Variants in C1orf141 observed in about 807,000 individuals in gnomAD.
C1orf141 encodes chromosome 1 open reading frame 141.
C1orf141 carries 19 observed loss-of-function variants against 23.2 expected under a neutral mutation model. The ratio of observed to expected loss-of-function variants is 0.82; its 90% confidence interval spans 0.57 to 1.20. The LOEUF is 1.20. C1orf141 is among the 50% of genes most tolerant of loss of function. The probability of loss-of-function intolerance (pLI) is 0.00; values close to 1 mark genes in which losing one functional copy is unlikely to be tolerated. For missense variants in C1orf141, 469 were observed against 455.1 expected, an observed-to-expected ratio of 1.03 and a Z score of -0.28; for synonymous variants, 153 against 154.6, an observed-to-expected ratio of 0.99 and a Z score of 0.08.
At chr1:67,101,487 T>TGTGTGTGTGTGTGTGA (rs760865676) in intron 5 of C1orf141, among the ~76,000 whole-genome samples, 5 of 150,434 alleles carry the variant, frequency 3.3e-5, no homozygotes, top group African/African-American at 9.8e-5. Context: ...TGTGTGTGTG[T>TGTGTGTGTGTGTGTGA]GATGGAGTAG....
In C1orf141 at chr1:67,117,091, T is replaced by C. The variant is rs536592316; in HGVS notation, c.234-1627A>G. 9.2e-5 allele frequency among the ~76,000 whole-genome samples: 14 copies of C among 152,246 alleles called. No homozygotes were observed. The South Asian group carries it at 1.9e-3, about 20-fold the overall frequency. On this transcript the variant is annotated intron_variant, in intron 4 of 7. Coordinates refer to ENST00000684719, the MANE Select transcript of C1orf141 (RefSeq NM_001276351.2). ...ATTCACTGTGGTATTTTAGCACCTA[T>C]AGCATGACTGGTACATAGTACATGT...
chr1:67,122,813 G>A (rs1646325558), intron 4 of C1orf141: 1 of 152,036 alleles, frequency 6.6e-6, no homozygotes, highest in Non-Finnish European at 1.5e-5. Flanking sequence ...TGTGCCTTAT[G>A]TTGCCATTGT....
chr1:67,118,359 C>T (rs1223819177), intron 4 of C1orf141, among the ~76,000 whole-genome samples: 2 of 152,096 alleles, frequency 1.3e-5, no homozygotes, highest in Non-Finnish European at 2.9e-5. Flanking sequence ...GCTTTTTCCT[C>T]TTTTCTCAAT....
rs1645985763 is a variant in C1orf141 at position 67,108,478 on chromosome 1, C to A, written c.346+6874G>T. Among the ~76,000 whole-genome samples, 3 of 152,112 alleles carry A rather than the reference C, an allele frequency of 2.0e-5. No individual in the cohort carries two copies. In the South Asian group the frequency reaches 6.2e-4, roughly 32 times the overall value. On this transcript the variant is annotated intron_variant, in intron 5 of 7. Coordinates refer to ENST00000684719, the MANE Select transcript of C1orf141 (RefSeq NM_001276351.2). ...TGAATTTTGAGGGTACACATTCAGA[C>A]CATAGCAACCACATATGATAAAAAT...
At chr1:67,119,255 G>T (rs1646255526) in intron 4 of C1orf141, among the ~76,000 whole-genome samples, 1 of 152,216 alleles carries the variant, frequency 6.6e-6, no homozygotes, top group East Asian at 1.9e-4. Context: ...TCAGATGGAA[G>T]TAAATAACAT....
chr1:67,095,230 A>AT lies in C1orf141; in HGVS notation c.603+4dup, dbSNP rs1645647665. 6.7e-7 allele frequency: 1 copy of AT among 1,503,648 alleles called. No homozygotes were observed. The highest frequency in any genetic ancestry group is 9.1e-7 in the Non-Finnish European group (1 of 1,097,270). The allele number at this position is 1,503,648 out of a possible 1,614,324, so 93.1% of individuals were successfully genotyped here. ...TTACTTAACAATAGATGATATGCTTATTACCATGTGAGAAGTTACTGTCTT... is the reference window on the plus strand; with the variant it reads ...TTACTTAACAATAGATGATATGCTTATTTACCATGTGAGAAGTTACTGTCTT... On this transcript the variant is annotated splice_donor_region_variant and intron_variant, in intron 7 of 7. Transcript: ENST00000684719.
intron 4 of C1orf141, chr1:67,121,617 ATTATC>A (rs1053363902): frequency 6.7e-6 from 1 of 148,802 alleles, no homozygotes; most frequent in African/African-American, 2.5e-5. Flanking sequence ...AGTTTTGAGT[ATTATC>A]TTTATTTTTG....
At chr1:67,123,360 A>T (rs1418539421) in intron 4 of C1orf141, 1 of 152,182 alleles carries the variant, frequency 6.6e-6, no homozygotes, top group Non-Finnish European at 1.5e-5. Flanking sequence ...ATTGAATTAA[A>T]AACTAAGTAT....
chr1:67,129,688 T>C (rs1178049693), intron 2 of C1orf141, among the ~76,000 whole-genome samples: 2 of 152,154 alleles, frequency 1.3e-5, no homozygotes, highest in African/African-American at 2.4e-5. Context: ...GCTCCAAAAA[T>C]GCAGTCCCTC....
rs1438076810 is a variant in C1orf141 at position 67,132,610 on chromosome 1, C to T, written c.-103-1383G>A. Among the ~76,000 whole-genome samples, 3 of 152,178 alleles carry T rather than the reference C, an allele frequency of 2.0e-5. No individual in the cohort carries two copies. The South Asian group carries it at 6.2e-4, about 32-fold the overall frequency. On this transcript the variant is annotated intron_variant, in intron 1 of 7. Coordinates refer to ENST00000684719, the MANE Select transcript of C1orf141 (RefSeq NM_001276351.2). ...AAGCAAGAATTGACTTATCCACCTC[C>T]GACTCTCAGCCTCAGGCAAAGCGTT...
chr1:67,132,638 A>C (rs1478171786), intron 1 of C1orf141, among the ~76,000 whole-genome samples: 1 of 152,220 alleles, frequency 6.6e-6, no homozygotes, highest in Non-Finnish European at 1.5e-5. Flanking sequence ...AAAGCGTTTT[A>C]CATCTAACGG....
chr1:67,117,149 G>T (rs555284349), intron 4 of C1orf141, among the ~76,000 whole-genome samples: 75 of 152,094 alleles, frequency 4.9e-4, no homozygotes, highest in Admixed American at 8.5e-4. Context: ...TAGGCCGGGC[G>T]CGGTGGCTAA....
At chr1:67,108,764 C>G (rs1451669140) in intron 5 of C1orf141, among the ~76,000 whole-genome samples, 1 of 151,816 alleles carries the variant, frequency 6.6e-6, no homozygotes, top group East Asian at 1.9e-4. Context: ...AACAAATAAT[C>G]CCATCAAAAA....
chr1:67,111,494 G>A lies in C1orf141; in HGVS notation c.346+3858C>T, dbSNP rs1646070909. ...GAATCCTAAAATTCACTTGAATTTT[G>A]GATTTGTAGGAGCATATATAAAATT... is the stretch of plus-strand genomic sequence containing the variant. On this transcript the variant is annotated intron_variant, in intron 5 of 7. Transcript: ENST00000684719. 6.1e-6 allele frequency: 3 copies of A among 488,500 alleles called. No individual in the cohort carries two copies. In the South Asian group the frequency reaches 1.9e-4, roughly 32 times the overall value. The allele number at this position is 488,500 out of a possible 1,614,324, so 30.3% of individuals were successfully genotyped here.
Position 67,092,926 on chromosome 1 carries a change from TGGA to T in C1orf141, c.*76_*78del. ...TATGATCAATTAGAACATTACTATT[TGGA>T]TAAGAATTTCTTTTATAATTTTGGA... On this transcript the variant is annotated 3_prime_UTR_variant, in exon 8 of 8. Coordinates refer to ENST00000684719, the MANE Select transcript of C1orf141 (RefSeq NM_001276351.2). 1 of 1,120,930 alleles carries T rather than the reference TGGA, an allele frequency of 8.9e-7. No individual in the cohort carries two copies. The highest frequency in any genetic ancestry group is 1.3e-6 in the Non-Finnish European group (1 of 782,958). The allele number at this position is 1,120,930 out of a possible 1,614,324, so 69.4% of individuals were successfully genotyped here. A position where few individuals can be genotyped will look rare whatever the true frequency, so the allele number is the denominator to read the frequency against.
Position 67,093,586 on chromosome 1 carries a change from G to T in C1orf141, c.622C>A (p.Pro208Thr). The change falls in exon 8 of 8, where the codon CCC becomes ACC. Residue 208 changes from proline to threonine, a missense_variant. Transcript: ENST00000684719. ...TSHMEQKDTN[P>T]IIFHDTEYVR... ...TATTCTGTGTCATGGAAAATTATGG[G>T]ATTTGTGTCCTTTTGTTCCTGTAGA... The T allele has an allele frequency of 6.4e-7, 1 of 1,565,712 alleles. No homozygotes were observed.
chr1:67,120,926 T>C (rs1179698191), intron 4 of C1orf141, among the ~76,000 whole-genome samples: 1 of 152,196 alleles, frequency 6.6e-6, no homozygotes, highest in Non-Finnish European at 1.5e-5. Context: ...TGGAGTATAT[T>C]GGAGAGTATA....
chr1:67,108,343 C>T (rs1570697636), intron 5 of C1orf141, among the ~76,000 whole-genome samples: 2 of 152,132 alleles, frequency 1.3e-5, no homozygotes, highest in East Asian at 3.8e-4. Flanking sequence ...TCTAGAATCT[C>T]TTTTATAAGG....
chr1:67,101,465 T>TGG (rs1645797987), intron 5 of C1orf141, among the ~76,000 whole-genome samples: 2 of 150,770 alleles, frequency 1.3e-5, no homozygotes, highest in African/African-American at 4.9e-5. Context: ...TGTGTGTGTG[T>TGG]GTGTGTGTGT....
Sources: allele counts gnomAD v4.1 joint callset (sites outside exome capture counted in the v4.1 genomes callset), GRCh38; gene constraint gnomAD v4.1.1; transcripts MANE v1.5; gene names NCBI Gene and HGNC (gene_info 2026-07-23, HGNC 2026-07-21).